CNTNAP2: variants seen among roughly 807,000 people sequenced by gnomAD.
CNTNAP2 encodes contactin-associated protein-like 2.
CNTNAP2 carries 98 observed loss-of-function variants against 155.2 expected under a neutral mutation model. That is an observed-to-expected ratio of 0.63 (90% CI 0.54 to 0.75). The LOEUF is 0.75. CNTNAP2 is among the 30% of genes least tolerant of loss of function. The probability of loss-of-function intolerance (pLI) is 0.00; values close to 1 mark genes in which losing one functional copy is unlikely to be tolerated. For synonymous variants in CNTNAP2, 651 were observed against 631.2 expected, an observed-to-expected ratio of 1.03 and a Z score of -0.47; for missense variants, 1,727 against 1,688.1, an observed-to-expected ratio of 1.02 and a Z score of -0.40.
chr7:146,700,914 C>T (rs1221269918), intron 1 of CNTNAP2, among the ~76,000 whole-genome samples: 1 of 151,950 alleles, frequency 6.6e-6, no homozygotes, highest in African/African-American at 2.4e-5. Flanking sequence ...GATAAGAATC[C>T]CAAGGTCCTC....
At chr7:147,082,133 G>C (rs1342589493) in intron 4 of CNTNAP2, 2 of 152,212 alleles carry the variant, frequency 1.3e-5, no homozygotes, top group Non-Finnish European at 2.9e-5. Flanking sequence ...TCAGCCACTG[G>C]CTGGGCTTTG....
rs751347925 is a variant in CNTNAP2, at chr7:146,550,415, T to TTGTTTTG, written c.98-223855_98-223854insGTTTTGT. 1.6e-4 allele frequency among the ~76,000 whole-genome samples: 18 copies of TTGTTTTG among 115,820 alleles called. No individual in the cohort carries two copies. The East Asian group carries it at 1.7e-3, about 11-fold the overall frequency. 76.0% of individuals were successfully genotyped at this position (115,820 alleles called of 152,430 possible). A position where few individuals can be genotyped will look rare whatever the true frequency, so the allele number is the denominator to read the frequency against. ...TCCATTAATCTGTTTTTTTTTTTTT[T>TTGTTTTG]TTTTTTTTTTTTTTATAAAGTACCC... On this transcript the variant is annotated intron_variant, in intron 1 of 23. Coordinates refer to ENST00000361727, the MANE Select transcript of CNTNAP2 (RefSeq NM_014141.6).
At position 146,116,909 on chromosome 7, in the gene CNTNAP2, A is replaced by G. The variant is rs1368186066; in HGVS notation, c.33A>G (p.Ala11=). The change falls in exon 1 of 24, where the codon GCA becomes GCG. Residue 11 remains alanine (A), a synonymous_variant. Transcript: ENST00000361727. The surrounding 1 kb of genome is among the most constrained non-coding windows in gnomAD (Gnocchi z 5.5). MQAAPRAGCG[A]ALLLWIVSSC... ...CGGCTCCGCGCGCCGGCTGCGGGGC[A>G]GCGCTCCTGCTGTGGATTGTCAGCA... 1 of 1,549,266 alleles carries G rather than the reference A, an allele frequency of 6.5e-7. No homozygotes were observed. The highest frequency in any genetic ancestry group is 2.4e-5 in the East Asian group (1 of 40,944).
intron 14 of CNTNAP2, among the ~76,000 whole-genome samples, chr7:147,977,152 G>C (rs1801438350): frequency 6.6e-6 from 1 of 152,130 alleles, no homozygotes; most frequent in South Asian, 2.1e-4. Context: ...CCATTCTAGA[G>C]TCAGTACTTT....
chr7:146,950,040 C>G (rs1199845950), intron 3 of CNTNAP2, among the ~76,000 whole-genome samples: 1 of 152,056 alleles, frequency 6.6e-6, no homozygotes, highest in South Asian at 2.1e-4. Flanking sequence ...GAAGCATTAA[C>G]AAGAGAAACA....
intron 1 of CNTNAP2, among the ~76,000 whole-genome samples, chr7:146,251,053 T>C (rs1799748598): frequency 1.3e-5 from 2 of 152,172 alleles, no homozygotes; most frequent in Non-Finnish European, 2.9e-5. Flanking sequence ...CCCTTTCTTA[T>C]ACATAAATAT....
In CNTNAP2 at chr7:147,774,961, G is replaced by T. The variant is rs140894204; in HGVS notation, c.2099-128604G>T. Among the ~76,000 whole-genome samples the T allele has an allele frequency of 2.0e-3, 311 of 151,832 alleles. 5 individuals are homozygous for T. Among genetic ancestry groups the T allele is most frequent in the African/African-American group, 7.2e-3 (298 of 41,402 alleles). Reference sequence around the variant, plus strand: ...AACTAAACCCATTAACCACGTGGCAGTTCAGTGCTTTCTCTACTTACTATG... The same window carrying T: ...AACTAAACCCATTAACCACGTGGCATTTCAGTGCTTTCTCTACTTACTATG... On this transcript the variant is annotated intron_variant, in intron 13 of 23. Transcript: ENST00000361727.
chr7:147,046,875 A>T (rs1799368865), intron 4 of CNTNAP2, among the ~76,000 whole-genome samples: 1 of 151,564 alleles, frequency 6.6e-6, no homozygotes, highest in African/African-American at 2.4e-5. Flanking sequence ...TAAAAATACA[A>T]AACAAAATTA....
chr7:147,186,210 C>T (rs7801686), intron 8 of CNTNAP2, among the ~76,000 whole-genome samples: 84,084 of 151,952 alleles, frequency 0.55, 23,561 homozygotes, highest in South Asian at 0.71. Flanking sequence ...TTAATGCTTA[C>T]ACTAAATTCT....
chr7:146,156,828 G>A (rs1259244107), intron 1 of CNTNAP2, among the ~76,000 whole-genome samples: 1 of 152,056 alleles, frequency 6.6e-6, no homozygotes, highest in Non-Finnish European at 1.5e-5. Flanking sequence ...CTCAAGCTCT[G>A]GACCTCAGAT....
chr7:147,329,588 T>C (rs954062395), intron 9 of CNTNAP2, among the ~76,000 whole-genome samples: 32 of 152,238 alleles, frequency 2.1e-4, no homozygotes, highest in Admixed American at 1.6e-3. Flanking sequence ...TGTAAGTGTG[T>C]AAGCATCTCT....
chr7:147,715,031 G>A (rs1189905859), intron 13 of CNTNAP2, among the ~76,000 whole-genome samples: 3 of 151,950 alleles, frequency 2.0e-5, no homozygotes, highest in African/African-American at 7.2e-5. Context: ...TTCTTCCTGA[G>A]TAGTATTCCC....
chr7:147,738,160 C>T (rs965017914), intron 13 of CNTNAP2, among the ~76,000 whole-genome samples: 1 of 152,246 alleles, frequency 6.6e-6, no homozygotes, highest in Middle Eastern at 3.4e-3. Flanking sequence ...ATCTTGGAAT[C>T]GCCCCCCGAA....
At chr7:148,093,034 A>C (rs1015200880) in intron 15 of CNTNAP2, among the ~76,000 whole-genome samples, 6 of 152,112 alleles carry the variant, frequency 3.9e-5, no homozygotes, top group Admixed American at 3.9e-4. Context: ...GAATAAAAGA[A>C]AATGATGCTC....
At chr7:148,054,881 CTTTT>C (rs372468541) in intron 15 of CNTNAP2, among the ~76,000 whole-genome samples, 1 of 136,882 alleles carries the variant, frequency 7.3e-6, no homozygotes, top group Admixed American at 7.4e-5. Context: ...TAATAGGAAT[CTTTT>C]TTTTTTTTTT....
At chr7:148,223,614 TCTG>T (rs1795790574) in intron 19 of CNTNAP2, among the ~76,000 whole-genome samples, 1 of 152,214 alleles carries the variant, frequency 6.6e-6, no homozygotes, top group Non-Finnish European at 1.5e-5. Flanking sequence ...GCGGTCCTCT[TCTG>T]CTGTTATCTG....
chr7:147,109,533 T>C (rs1295449973), intron 5 of CNTNAP2, among the ~76,000 whole-genome samples: 2 of 152,134 alleles, frequency 1.3e-5, no homozygotes, highest in Non-Finnish European at 2.9e-5. Context: ...AAATGGAGAC[T>C]AAGTAATTGT....
chr7:146,585,808 G>A (rs1798682569), intron 1 of CNTNAP2, among the ~76,000 whole-genome samples: 1 of 151,260 alleles, frequency 6.6e-6, no homozygotes, highest in Admixed American at 6.6e-5. Context: ...AAGGAAGGAG[G>A]GAGGGAGGGA....
rs143941796 is a variant in CNTNAP2, at chr7:146,499,498, C to A, written c.98-274773C>A. Among the ~76,000 whole-genome samples the A allele has an allele frequency of 4.9e-3, 744 of 152,254 alleles. 7 individuals are homozygous for A. Among genetic ancestry groups the A allele is most frequent in the African/African-American group, 0.017 (703 of 41,544 alleles). On this transcript the variant is annotated intron_variant, in intron 1 of 23. Coordinates refer to ENST00000361727, the MANE Select transcript of CNTNAP2 (RefSeq NM_014141.6). ...GTTTTAAATTGGAAACTGTGAGTTTCACAACTTTTTTGCCCCAACATTTTG... is the reference window on the plus strand; with the variant it reads ...GTTTTAAATTGGAAACTGTGAGTTTAACAACTTTTTTGCCCCAACATTTTG...
Sources: allele counts gnomAD v4.1 joint callset (sites outside exome capture counted in the v4.1 genomes callset), GRCh38; gene constraint gnomAD v4.1.1; non-coding constraint Gnocchi (gnomAD v3.1); transcripts MANE v1.5; gene names NCBI Gene and HGNC (gene_info 2026-07-23, HGNC 2026-07-21).